CNTN5: variants seen among roughly 807,000 people sequenced by gnomAD.
CNTN5 encodes contactin 5.
In CNTN5, 77 loss-of-function variants were observed where a neutral mutation model predicts 129.1. The observed-to-expected ratio is 0.60, with a 90% CI of 0.50 to 0.72. The LOEUF is 0.72. CNTN5 is among the 30% of genes least tolerant of loss of function. The pLI is 0.00. For synonymous variants in CNTN5, 509 were observed against 465.6 expected, an observed-to-expected ratio of 1.09 and a Z score of -1.20; for missense variants, 1,478 against 1,328.8, an observed-to-expected ratio of 1.11 and a Z score of -1.75.
In CNTN5 at chr11:99,309,043, A is replaced by G. The variant is rs1006659882; in HGVS notation, c.-209-16303A>G. On this transcript the variant is annotated intron_variant, in intron 1 of 24. Transcript: ENST00000524871. ...ATATTTCATCATCTACATATTTTCT[A>G]TAGTTTTTCTGTTTCTTTAATATGC... Among the ~76,000 whole-genome samples, 5 of 152,200 alleles carry G rather than the reference A, an allele frequency of 3.3e-5. No homozygotes were observed. In the East Asian group the frequency reaches 7.7e-4, roughly 24 times the overall value.
At chr11:99,800,394 T>A (rs1388982970) in intron 3 of CNTN5, among the ~76,000 whole-genome samples, 3 of 152,168 alleles carry the variant, frequency 2.0e-5, no homozygotes, top group Non-Finnish European at 4.4e-5. Flanking sequence ...GTATGTTTCA[T>A]GTGTAGATGT....
At chr11:99,246,847 T>C (rs1861837706) in intron 1 of CNTN5, among the ~76,000 whole-genome samples, 1 of 152,168 alleles carries the variant, frequency 6.6e-6, no homozygotes, top group African/African-American at 2.4e-5. Flanking sequence ...CTAGTCTCTT[T>C]ATGCATATGA....
At chr11:99,294,643 A>G (rs1233974079) in intron 1 of CNTN5, among the ~76,000 whole-genome samples, 1 of 152,224 alleles carries the variant, frequency 6.6e-6, no homozygotes, top group Non-Finnish European at 1.5e-5. Flanking sequence ...GTTACTGTTT[A>G]CAAAACTGTA....
At chr11:99,284,405 T>C (rs183792001) in intron 1 of CNTN5, among the ~76,000 whole-genome samples, 1 of 152,282 alleles carries the variant, frequency 6.6e-6, no homozygotes, top group Admixed American at 6.5e-5. Context: ...GTTATGCTAA[T>C]TAAATCTATA....
At chr11:99,157,145 A>G (rs749897480) in intron 1 of CNTN5, among the ~76,000 whole-genome samples, 7 of 152,100 alleles carry the variant, frequency 4.6e-5, no homozygotes, top group Non-Finnish European at 8.8e-5. Flanking sequence ...GGGTTACAGT[A>G]TATATAAACA....
chr11:99,687,916 T>C (rs992970394), intron 3 of CNTN5, among the ~76,000 whole-genome samples: 2 of 152,212 alleles, frequency 1.3e-5, no homozygotes, highest in African/African-American at 2.4e-5. Context: ...CTCATGCCTA[T>C]ATTTAATATT....
chr11:99,699,601 A>G (rs1431897531), intron 3 of CNTN5, among the ~76,000 whole-genome samples: 1 of 151,512 alleles, frequency 6.6e-6, no homozygotes, highest in Non-Finnish European at 1.5e-5. Context: ...TGATGTGCCT[A>G]GCGAAGTATT....
intron 1 of CNTN5, among the ~76,000 whole-genome samples, chr11:99,104,575 A>T (rs1379162144): frequency 6.6e-6 from 1 of 151,944 alleles, no homozygotes; most frequent in Admixed American, 6.6e-5. Context: ...TAAGTGATGG[A>T]TGTGTTAATT....
At chr11:99,288,969 G>T (rs1864056650) in intron 1 of CNTN5, among the ~76,000 whole-genome samples, 1 of 151,710 alleles carries the variant, frequency 6.6e-6, no homozygotes. Context: ...GATCCTCACA[G>T]AGCTATCATA....
At chr11:99,839,150 A>G (rs1273899665) in intron 4 of CNTN5, among the ~76,000 whole-genome samples, 3 of 152,190 alleles carry the variant, frequency 2.0e-5, no homozygotes, top group Non-Finnish European at 4.4e-5. Context: ...TGAAAAGGTT[A>G]CTTTCATTGA....
At chr11:99,703,856 G>A (rs10893744) in intron 3 of CNTN5, among the ~76,000 whole-genome samples, 58,444 of 150,490 alleles carry the variant, frequency 0.39, 11,807 homozygotes, top group South Asian at 0.63. Flanking sequence ...TTGAAATTTC[G>A]TTGCTAGAAA....
At chr11:99,230,048 C>A (rs1185646885) in intron 1 of CNTN5, among the ~76,000 whole-genome samples, 1 of 151,896 alleles carries the variant, frequency 6.6e-6, no homozygotes, top group East Asian at 1.9e-4. Context: ...TTCCAAGATT[C>A]TTTTTCTTGT....
intron 4 of CNTN5, among the ~76,000 whole-genome samples, chr11:99,820,700 A>T (rs1214065510): frequency 1.3e-5 from 2 of 152,376 alleles, no homozygotes; most frequent in Middle Eastern, 3.4e-3. Context: ...TTCTATAGAA[A>T]TGAAAACTCT....
intron 1 of CNTN5, among the ~76,000 whole-genome samples, chr11:99,213,620 T>A (rs939110098): frequency 6.6e-6 from 1 of 151,754 alleles, no homozygotes; most frequent in Non-Finnish European, 1.5e-5. Flanking sequence ...ATTGCTAAAT[T>A]TCATTATTTA....
At chr11:99,614,019 C>T (rs1169602070) in intron 3 of CNTN5, among the ~76,000 whole-genome samples, 1 of 152,100 alleles carries the variant, frequency 6.6e-6, no homozygotes, top group Non-Finnish European at 1.5e-5. Flanking sequence ...AGCTATATAG[C>T]ATGTGAATTA....
At chr11:99,970,940 A>C (rs1016540084) in intron 8 of CNTN5, among the ~76,000 whole-genome samples, 3 of 152,182 alleles carry the variant, frequency 2.0e-5, no homozygotes, top group African/African-American at 7.2e-5. Flanking sequence ...TGTCTTCATG[A>C]AGTACCCTCT....
At chr11:99,833,993 A>G (rs989925723) in intron 4 of CNTN5, among the ~76,000 whole-genome samples, 3 of 152,200 alleles carry the variant, frequency 2.0e-5, no homozygotes, top group African/African-American at 7.2e-5. Context: ...AGGACTCTTA[A>G]GTGTCCTGAC....
chr11:99,051,620 G>T (rs1864431135), intron 1 of CNTN5, among the ~76,000 whole-genome samples: 1 of 151,836 alleles, frequency 6.6e-6, no homozygotes, highest in Admixed American at 6.6e-5. Context: ...ACTGTGTATT[G>T]TAAGGAAACC....
intron 18 of CNTN5, among the ~76,000 whole-genome samples, chr11:100,287,796 T>A (rs1186719775): frequency 2.0e-5 from 3 of 152,262 alleles, no homozygotes; most frequent in South Asian, 2.1e-4. Flanking sequence ...TGCTCCAATT[T>A]AAAGACACAG....
Sources: allele counts gnomAD v4.1 joint callset (sites outside exome capture counted in the v4.1 genomes callset), GRCh38; gene constraint gnomAD v4.1.1; transcripts MANE v1.5; gene names NCBI Gene and HGNC (gene_info 2026-07-23, HGNC 2026-07-21).